The following CCDC149 variants were observed in gnomAD, a reference collection of about 807,000 sequenced individuals.
CCDC149 encodes coiled-coil domain containing 149, also known as coiled-coil domain-containing protein 149.
CCDC149 carries 45 observed loss-of-function variants against 59.9 expected under a neutral mutation model. The ratio of observed to expected loss-of-function variants is 0.75; its 90% confidence interval spans 0.59 to 0.96. The LOEUF is 0.96. Among genes scored for constraint, CCDC149 ranks in the 40% least tolerant of loss-of-function variants. CCDC149 has a pLI of 0.00. For synonymous variants in CCDC149, 245 were observed against 260.6 expected (o/e 0.94, Z 0.58); for missense variants, 584 against 664.7 (o/e 0.88, Z 1.33).
chr4:24,885,676 A>G (rs568750289), intron 1 of CCDC149, among the ~76,000 whole-genome samples: 1 of 152,324 alleles, frequency 6.6e-6, no homozygotes, highest in South Asian at 2.1e-4. Flanking sequence ...AGGAGGGGCC[A>G]AGAGACAAAC....
downstream of CCDC149, among the ~76,000 whole-genome samples, chr4:24,805,436 G>A (rs1042761864): frequency 2.0e-5 from 3 of 152,110 alleles, no homozygotes; most frequent in Non-Finnish European, 2.9e-5. Flanking sequence ...TGATTTTCTG[G>A]CTTTTTATGC....
At chr4:24,847,886 G>A (rs569213609) in intron 4 of CCDC149, among the ~76,000 whole-genome samples, 3 of 152,140 alleles carry the variant, frequency 2.0e-5, no homozygotes. Context: ...ATTTGTCATG[G>A]TACCAGTATT....
At chr4:24,810,940 T>C (rs1190820839) in intron 12 of CCDC149, among the ~76,000 whole-genome samples, 1 of 152,140 alleles carries the variant, frequency 6.6e-6, no homozygotes, top group Non-Finnish European at 1.5e-5. Flanking sequence ...TCAAGACACA[T>C]TGTTCTTAGA....
At position 24,837,270 on chromosome 4, in the gene CCDC149, T is replaced by C; in HGVS notation, c.620A>G (p.Glu207Gly). Reference sequence around the variant, plus strand: ...GGCGTCCACGTCAATGATGCGGTTCTCGTGCCCACTCAGGATATGGTTCAG... The same window carrying C: ...GGCGTCCACGTCAATGATGCGGTTCCCGTGCCCACTCAGGATATGGTTCAG... Residue 207 changes from glutamate (E) to glycine (G), a missense_variant, in exon 6 of 13, where the codon GAG becomes GGG. Coordinates refer to ENST00000635206, the MANE Select transcript of CCDC149 (RefSeq NM_001330643.2). The surrounding 1 kb of genome is among the most constrained non-coding windows in gnomAD (Gnocchi z 4.3). 6.2e-7 allele frequency: 1 copy of C among 1,614,250 alleles called. No homozygotes were observed. Among genetic ancestry groups the C allele is most frequent in the Non-Finnish European group, 8.5e-7 (1 of 1,180,044 alleles).
chr4:24,919,727 A>T (rs1195856907), intron 1 of CCDC149, among the ~76,000 whole-genome samples: 1 of 152,240 alleles, frequency 6.6e-6, no homozygotes. Flanking sequence ...AGCAAGCATA[A>T]CACCTTAACC....
intron 1 of CCDC149, among the ~76,000 whole-genome samples, chr4:24,930,121 A>C (rs1722546981): frequency 6.6e-6 from 1 of 152,190 alleles, no homozygotes; most frequent in African/African-American, 2.4e-5. Context: ...GCTGGAGGAG[A>C]CCCTGTAACT....
intron 7 of CCDC149, among the ~76,000 whole-genome samples, chr4:24,835,267 GTCCCC>G (rs1367254360): frequency 6.6e-6 from 1 of 152,166 alleles, no homozygotes; most frequent in Non-Finnish European, 1.5e-5. Flanking sequence ...AGCAATTACA[GTCCCC>G]TGTATACAAA....
At chr4:24,812,850 G>A (rs986017507) in intron 12 of CCDC149, among the ~76,000 whole-genome samples, 13 of 152,072 alleles carry the variant, frequency 8.5e-5, no homozygotes, top group Non-Finnish European at 1.2e-4. Context: ...AGACTTATTC[G>A]CTACCAAGAG....
chr4:24,861,289 G>C (rs756203618), intron 3 of CCDC149, among the ~76,000 whole-genome samples: 33 of 150,666 alleles, frequency 2.2e-4, no homozygotes, highest in Admixed American at 5.3e-4. Flanking sequence ...ACACACCATG[G>C]AGTACTGCTC....
At chr4:24,813,529 A>ATATATATAT (rs1560197755) in intron 12 of CCDC149, among the ~76,000 whole-genome samples, 14 of 110,436 alleles carry the variant, frequency 1.3e-4, no homozygotes, top group African/African-American at 3.1e-4. Flanking sequence ...TATATATATA[A>ATATATATAT]AACCTAAAAA....
At chr4:24,863,018 G>A (rs1718473275) in intron 3 of CCDC149, among the ~76,000 whole-genome samples, 1 of 152,164 alleles carries the variant, frequency 6.6e-6, no homozygotes, top group South Asian at 2.1e-4. Flanking sequence ...AGAGGCTGGG[G>A]GCAATGGCTC....
At chr4:24,865,578 A>C (rs1261757766) in intron 3 of CCDC149, among the ~76,000 whole-genome samples, 1 of 152,232 alleles carries the variant, frequency 6.6e-6, no homozygotes, top group African/African-American at 2.4e-5. Flanking sequence ...TGGCTGTGCA[A>C]GGAGACCTTA....
At chr4:24,910,583 G>A (rs950100778) in intron 1 of CCDC149, among the ~76,000 whole-genome samples, 1 of 152,140 alleles carries the variant, frequency 6.6e-6, no homozygotes, top group Non-Finnish European at 1.5e-5. Flanking sequence ...GAAACACCAA[G>A]CCATTTGCTG....
At chr4:24,872,595 C>T (rs567516121) in intron 3 of CCDC149, among the ~76,000 whole-genome samples, 1 of 151,674 alleles carries the variant, frequency 6.6e-6, no homozygotes, top group South Asian at 2.1e-4. Flanking sequence ...ATGGTATGTA[C>T]CCACTGAACA....
At chr4:24,914,485 C>T (rs534905669), upstream of CCDC149, among the ~76,000 whole-genome samples, 79 of 152,136 alleles carry the variant, frequency 5.2e-4, no homozygotes, top group Admixed American at 2.0e-3. Flanking sequence ...AAATAAGCTC[C>T]GAATAGCTTG....
chr4:24,827,037 C>T (rs184456542), intron 9 of CCDC149: 18 of 152,216 alleles, frequency 1.2e-4, no homozygotes, highest in African/African-American at 4.3e-4. Context: ...CATGTATCTA[C>T]CTAGTAGTCT....
intron 1 of CCDC149, among the ~76,000 whole-genome samples, chr4:24,966,250 G>A (rs1314507523): frequency 6.6e-6 from 1 of 152,148 alleles, no homozygotes; most frequent in African/African-American, 2.4e-5. Flanking sequence ...CCAAAATCAT[G>A]AGTAAATGGC....
intron 1 of CCDC149, among the ~76,000 whole-genome samples, chr4:24,967,871 G>A (rs2109365355): frequency 6.6e-6 from 1 of 152,164 alleles, no homozygotes; most frequent in Non-Finnish European, 1.5e-5. Context: ...TACTTGGTCA[G>A]GTAAGACAAA....
At chr4:24,907,421 C>A (rs1320053150) in intron 1 of CCDC149, among the ~76,000 whole-genome samples, 1 of 152,210 alleles carries the variant, frequency 6.6e-6, no homozygotes, top group Non-Finnish European at 1.5e-5. Context: ...TGCAGCAGGG[C>A]TCTGAACACA....
Sources: gnomAD v4.1 joint callset for allele counts (sites outside exome capture counted in the v4.1 genomes callset) on GRCh38, gnomAD v4.1.1 for gene constraint, Gnocchi (gnomAD v3.1) non-coding constraint, MANE v1.5 for transcripts, NCBI Gene and HGNC (gene_info 2026-07-23, HGNC 2026-07-21) for gene names.